SSBP2: variants seen among roughly 807,000 people sequenced by gnomAD.
SSBP2 encodes single stranded DNA binding protein 2.
Under a neutral mutation model 61.8 loss-of-function variants are expected in SSBP2, and 17 were observed. The observed-to-expected ratio is 0.28, with a 90% CI of 0.19 to 0.41. The LOEUF is 0.41. Ranked by LOEUF, SSBP2 falls within the 10% of genes least tolerant of loss-of-function variation. The pLI is 1.00. For synonymous variants in SSBP2, 139 were observed against 141.3 expected (o/e 0.98, Z 0.12); for missense variants, 310 against 458.7 (o/e 0.68, Z 2.96).
At chr5:81,548,452 A>C (rs1157712731) in intron 4 of SSBP2, among the ~76,000 whole-genome samples, 1 of 152,210 alleles carries the variant, frequency 6.6e-6, no homozygotes, top group African/African-American at 2.4e-5. Context: ...ATATGTTCAG[A>C]CAGCACTATA....
At chr5:81,737,147 C>T (rs936000665) in intron 1 of SSBP2, among the ~76,000 whole-genome samples, 1 of 151,982 alleles carries the variant, frequency 6.6e-6, no homozygotes, top group African/African-American at 2.4e-5. Flanking sequence ...TTTCCATGTC[C>T]CCTGTAGCAT....
At chr5:81,497,679 C>T (rs192193422) in intron 5 of SSBP2, among the ~76,000 whole-genome samples, 1 of 152,176 alleles carries the variant, frequency 6.6e-6, no homozygotes, top group Admixed American at 6.5e-5. Context: ...AAGTAAAAAA[C>T]AAAGAGCTGG....
chr5:81,539,177 T>C (rs1771048632), intron 4 of SSBP2, among the ~76,000 whole-genome samples: 2 of 152,220 alleles, frequency 1.3e-5, no homozygotes, highest in Admixed American at 1.3e-4. Flanking sequence ...AAGTAGTTGA[T>C]TCCAACCCTT....
At chr5:81,575,263 G>A (rs11747277) in intron 4 of SSBP2, among the ~76,000 whole-genome samples, 55,479 of 151,950 alleles carry the variant, frequency 0.37, 13,788 homozygotes, top group African/African-American at 0.72. Context: ...GCGAGACTTC[G>A]TCTCAAAAAA....
intron 6 of SSBP2, among the ~76,000 whole-genome samples, chr5:81,484,585 AAAT>A (rs1279817051): frequency 5.9e-5 from 9 of 152,090 alleles, no homozygotes; most frequent in Admixed American, 5.2e-4. Context: ...TAAAAATAAA[AAAT>A]AATGAGCTCC....
intron 4 of SSBP2, among the ~76,000 whole-genome samples, chr5:81,597,575 A>G (rs1029087057): frequency 1.2e-4 from 19 of 152,172 alleles, no homozygotes; most frequent in Non-Finnish European, 7.3e-5. Context: ...TTACTGCGGC[A>G]CTATTCACAA....
chr5:81,622,538 A>T (rs1423751355), intron 3 of SSBP2, among the ~76,000 whole-genome samples: 1 of 152,134 alleles, frequency 6.6e-6, no homozygotes, highest in Non-Finnish European at 1.5e-5. Flanking sequence ...TCCTCTATAA[A>T]ATGGGGTTGC....
intron 5 of SSBP2, among the ~76,000 whole-genome samples, chr5:81,492,902 T>G (rs1766965064): frequency 6.6e-6 from 1 of 152,142 alleles, no homozygotes; most frequent in African/African-American, 2.4e-5. Context: ...AGTATTACAT[T>G]TAAATATAAA....
intron 1 of SSBP2, among the ~76,000 whole-genome samples, chr5:81,712,702 T>A (rs182446170): frequency 9.3e-5 from 14 of 149,898 alleles, no homozygotes; most frequent in African/African-American, 3.4e-4. Flanking sequence ...AAAATGAAAG[T>A]AAAGGGACTT....
chr5:81,581,273 G>A (rs545543645), intron 4 of SSBP2, among the ~76,000 whole-genome samples: 1 of 152,296 alleles, frequency 6.6e-6, no homozygotes, highest in East Asian at 1.9e-4. Context: ...TAATCCCTGA[G>A]GACATGAAGA....
chr5:81,467,389 T>C (rs1486149959), intron 8 of SSBP2, among the ~76,000 whole-genome samples: 1 of 151,994 alleles, frequency 6.6e-6, no homozygotes, highest in Admixed American at 6.6e-5. Context: ...AAATTCAATT[T>C]TGAAAGAGTG....
intron 9 of SSBP2, among the ~76,000 whole-genome samples, chr5:81,464,853 G>A (rs1764782703): frequency 6.6e-6 from 1 of 152,036 alleles, no homozygotes; most frequent in African/African-American, 2.4e-5. Context: ...TAGGAATACT[G>A]TGTGTATGCA....
intron 5 of SSBP2, among the ~76,000 whole-genome samples, chr5:81,491,700 GT>G (rs1311966089): frequency 6.6e-5 from 10 of 151,760 alleles, no homozygotes; most frequent in Admixed American, 6.6e-4. Context: ...AAATTTGTAT[GT>G]TTTTTTGGAG....
intron 8 of SSBP2, among the ~76,000 whole-genome samples, chr5:81,473,066 G>A (rs149192850): frequency 2.6e-5 from 4 of 152,256 alleles, no homozygotes; most frequent in East Asian, 1.9e-4. Context: ...TTGTTATACC[G>A]ATTTGGCATG....
At chr5:81,618,097 T>G (rs1042176216) in intron 3 of SSBP2, among the ~76,000 whole-genome samples, 1 of 103,458 alleles carries the variant, frequency 9.7e-6, no homozygotes, top group African/African-American at 3.3e-5. Context: ...AATTCACACA[T>G]AACAATATTA....
chr5:81,548,964 A>G (rs557003192), intron 4 of SSBP2, among the ~76,000 whole-genome samples: 16 of 152,304 alleles, frequency 1.1e-4, no homozygotes, highest in Non-Finnish European at 1.8e-4. Context: ...GTCTTTCATA[A>G]ACTGAAATTT....
rs572601979 is a variant in SSBP2, at chr5:81,577,490, G to A, written c.282+37983C>T. Among the ~76,000 whole-genome samples, 10 of 152,062 alleles carry A rather than the reference G, an allele frequency of 6.6e-5. No individual in the cohort carries two copies. The East Asian group carries it at 1.9e-3, about 29-fold the overall frequency. On this transcript the variant is annotated intron_variant, in intron 4 of 16. Transcript: ENST00000320672. Reference sequence around the variant, plus strand: ...TTTTATTTAATATGAAGCCAGAGCCGAAAGGAATACATTAGGAAGCAACTG... The same window carrying A: ...TTTTATTTAATATGAAGCCAGAGCCAAAAGGAATACATTAGGAAGCAACTG...
chr5:81,420,666 CATAAA>C (rs1761546220), intron 16 of SSBP2, 133 bp from the exon 17 acceptor site: 1 of 707,244 alleles, frequency 1.4e-6, no homozygotes, highest in Non-Finnish European at 2.4e-6. Flanking sequence ...TCTCATACAA[CATAAA>C]ATAAGAAACT....
intron 4 of SSBP2, among the ~76,000 whole-genome samples, chr5:81,518,627 A>C (rs918960883): frequency 6.6e-6 from 1 of 152,162 alleles, no homozygotes. Flanking sequence ...GCACAGAATG[A>C]ACTAAGACAT....
Sources: gnomAD v4.1 joint callset for allele counts (sites outside exome capture counted in the v4.1 genomes callset) on GRCh38, gnomAD v4.1.1 for gene constraint, MANE v1.5 for transcripts, NCBI Gene and HGNC (gene_info 2026-07-23, HGNC 2026-07-21) for gene names.